The following LMBR1 variants were observed in gnomAD, a reference collection of about 807,000 sequenced individuals.
The protein encoded by LMBR1 is limb development membrane protein 1, also known as limb region 1 protein homolog.
In LMBR1, 52 loss-of-function variants were observed where a neutral mutation model predicts 73.9. The observed-to-expected ratio is 0.70, with a 90% CI of 0.56 to 0.89. LMBR1 has a LOEUF of 0.89. Ranked by LOEUF, LMBR1 falls within the 40% of genes least tolerant of loss-of-function variation. The pLI, the probability that LMBR1 is intolerant of heterozygous loss-of-function variation, is 0.00. For synonymous variants in LMBR1, 215 were observed against 209.4 expected (o/e 1.03, Z -0.23); for missense variants, 539 against 579.8 (o/e 0.93, Z 0.72).
chr7:156,714,195 G>A (rs187104135), intron 15 of LMBR1, among the ~76,000 whole-genome samples: 44 of 152,298 alleles, frequency 2.9e-4, no homozygotes, highest in African/African-American at 8.7e-4. Flanking sequence ...TTCAAGGAGC[G>A]TAGAGCTTTA....
rs150515409 is a variant in LMBR1 at position 156,729,857 on chromosome 7, C to T, written c.839-1137G>A. Among the ~76,000 whole-genome samples, 315 of 152,268 alleles carry T rather than the reference C, an allele frequency of 2.1e-3. 8 individuals carry two copies. The East Asian group carries it at 0.033, about 16-fold the overall frequency. On this transcript the variant is annotated intron_variant, in intron 10 of 16. Transcript: ENST00000353442. Reference sequence around the variant, plus strand: ...TACTTTTACCTATAACACCAATCCTCATGCTAAGAACAAGAAGAAAAGATA... The same window carrying T: ...TACTTTTACCTATAACACCAATCCTTATGCTAAGAACAAGAAGAAAAGATA...
At chr7:156,809,305 T>C (rs1001773103) in intron 4 of LMBR1, among the ~76,000 whole-genome samples, 2 of 152,198 alleles carry the variant, frequency 1.3e-5, no homozygotes, top group Non-Finnish European at 2.9e-5. Flanking sequence ...TTTTGAAAAA[T>C]ATTTTCACTG....
At chr7:156,888,165 C>G (rs1802239732) in intron 1 of LMBR1, among the ~76,000 whole-genome samples, 1 of 152,048 alleles carries the variant, frequency 6.6e-6, no homozygotes, top group South Asian at 2.1e-4. Flanking sequence ...AATCCCAGCA[C>G]TTTGGGAGGC....
intron 15 of LMBR1, among the ~76,000 whole-genome samples, chr7:156,712,359 C>A (rs1054533730): frequency 6.6e-6 from 1 of 151,798 alleles, no homozygotes; most frequent in Admixed American, 6.6e-5. Context: ...TAAAAAAAAA[C>A]AACAAATGTT....
At chr7:156,812,317 C>CAGAG (rs60561733) in intron 4 of LMBR1, among the ~76,000 whole-genome samples, 24 of 149,916 alleles carry the variant, frequency 1.6e-4, no homozygotes, top group East Asian at 7.8e-4. Context: ...TTTAAACACA[C>CAGAG]AGAGAGAGAG....
downstream of LMBR1, chr7:156,676,992 CCTT>C (rs764486724): frequency 5.4e-5 from 12 of 223,900 alleles, no homozygotes; most frequent in Admixed American, 1.5e-4. Flanking sequence ...GTAAAACACT[CCTT>C]AAGTTCCAAA....
At chr7:156,684,631 G>A (rs901319552) in intron 16 of LMBR1, among the ~76,000 whole-genome samples, 4 of 152,192 alleles carry the variant, frequency 2.6e-5, no homozygotes, top group Middle Eastern at 3.2e-3. Flanking sequence ...AACCTAACCC[G>A]AGACAGATAC....
chr7:156,840,803 CA>C (rs34096863), intron 1 of LMBR1, among the ~76,000 whole-genome samples: 93,276 of 144,210 alleles, frequency 0.65, 30,140 homozygotes, highest in Middle Eastern at 0.78. Context: ...ACTAAAAATA[CA>C]AAAAAAAAAA....
chr7:156,803,860 G>T (rs1392828647), intron 4 of LMBR1, among the ~76,000 whole-genome samples: 1 of 151,684 alleles, frequency 6.6e-6, no homozygotes, highest in African/African-American at 2.4e-5. Flanking sequence ...GGATGAAACT[G>T]GAACCCATCA....
rs1445486598 is a variant in LMBR1 at position 156,893,069 on chromosome 7, C to G, written c.-76G>C. On this transcript the variant is annotated 5_prime_UTR_variant, in exon 1 of 17. Transcript: ENST00000353442. The stretch of plus-strand genomic sequence containing the variant: ...CCATCGTCCGCCCGCCGCAGGGGCT[C>G]GGACAGCCGCGCCGGGGACCGGAGC... 5.3e-6 allele frequency: 7 copies of G among 1,324,616 alleles called. No homozygotes were observed. Among genetic ancestry groups the G allele is most frequent in the Non-Finnish European group, 6.7e-6 (7 of 1,038,264 alleles). The allele number at this position is 1,324,616 out of a possible 1,614,324, so 82.1% of individuals were successfully genotyped here.
intron 9 of LMBR1, among the ~76,000 whole-genome samples, chr7:156,738,696 G>C (rs1025750674): frequency 1.3e-5 from 2 of 152,174 alleles, no homozygotes; most frequent in Non-Finnish European, 2.9e-5. Flanking sequence ...GCTTCTGGAT[G>C]ACATTTCTAG....
chr7:156,811,826 G>A (rs1017800151), intron 4 of LMBR1, among the ~76,000 whole-genome samples: 16 of 152,136 alleles, frequency 1.1e-4, no homozygotes, highest in African/African-American at 3.9e-4. Flanking sequence ...CAGTTCCAGG[G>A]ACTAGAAGTC....
In LMBR1 at chr7:156,670,273, C is replaced by G. The variant is rs1402825675; in HGVS notation, n.867-986G>C. Among the ~76,000 whole-genome samples the G allele has an allele frequency of 6.6e-6, 1 of 152,196 alleles. No homozygotes were observed. The highest frequency in any genetic ancestry group is 1.5e-5 in the Non-Finnish European group (1 of 68,028). ...AGCACGGCTGGCTCTACTGTTTTGA[C>G]TTTGGCTCTTGATACACACACATTC... On this transcript the variant is annotated intron_variant and non_coding_transcript_variant, in intron 4 of 4. Coordinates refer to the LMBR1 transcript ENST00000430825. This position sits in a 1 kb window ranked among gnomAD's most constrained non-coding sequence, Gnocchi z 4.3.
At chr7:156,796,549 A>G (rs781648158) in intron 4 of LMBR1, 57 bp from the exon 5 acceptor site, 125 of 1,096,760 alleles carry the variant, frequency 1.1e-4, no homozygotes, top group Middle Eastern at 5.6e-4. Flanking sequence ...AAATTGTGGT[A>G]TTAATCAAGA....
In LMBR1 at chr7:156,763,789, G is replaced by C; in HGVS notation, c.430C>G (p.Arg144Gly). Residue 144 changes from arginine (R) to glycine (G), a missense_variant, in exon 6 of 17, where the codon CGA (arginine) becomes GGA (glycine). Arg to Gly is a moderately radical substitution (Grantham distance 125). Around this residue, in one of 3 missense-constraint regions of LMBR1, gnomAD observed 454 missense variants for 473.4 expected, o/e 0.96. Transcript: ENST00000353442. ...EGFAGLKKGI[R>G]ARILETLVML... ...ACCAAAGTCTCTAAAATGCGGGCTC[G>C]GATTCCCTGAAAAATAGAGTAGAAA... The C allele has an allele frequency of 6.3e-7, 1 of 1,585,442 alleles. No homozygotes were observed. Among genetic ancestry groups the C allele is most frequent in the Non-Finnish European group, 8.5e-7 (1 of 1,171,608 alleles).
At chr7:156,884,649 G>A (rs1801603019) in intron 1 of LMBR1, among the ~76,000 whole-genome samples, 1 of 151,456 alleles carries the variant, frequency 6.6e-6, no homozygotes, top group Non-Finnish European at 1.5e-5. Context: ...CATTTGAAAA[G>A]TTACTGAAAC....
intron 4 of LMBR1, among the ~76,000 whole-genome samples, chr7:156,671,763 T>C (rs1802597996): frequency 6.6e-6 from 1 of 150,978 alleles, no homozygotes; most frequent in African/African-American, 2.4e-5. Flanking sequence ...TCACCATCTT[T>C]ATGTCCACGT....
rs563656576 is a variant in LMBR1, at chr7:156,760,717, C to T, written c.684+1417G>A. On this transcript the variant is annotated intron_variant, in intron 8 of 16. Transcript: ENST00000353442. ...ACATACTTTTTGTAAAATGTATTTA[C>T]GCATTTTTTAAAAATAAAAAATTAA... Among the ~76,000 whole-genome samples the T allele has an allele frequency of 1.1e-4, 16 of 152,226 alleles. No individual in the cohort carries two copies. In the South Asian group the frequency reaches 1.9e-3, roughly 18 times the overall value.
At chr7:156,684,206 G>A in intron 16 of LMBR1, 43 bp from the exon 17 acceptor site, 1 of 1,456,386 alleles carries the variant, frequency 6.9e-7, no homozygotes, top group East Asian at 2.3e-5. Flanking sequence ...ATATATTGCT[G>A]AGTGGCTGGG....
Sources: gnomAD v4.1 joint callset for allele counts (sites outside exome capture counted in the v4.1 genomes callset) on GRCh38, gnomAD v4.1.1 for gene constraint, gnomAD v4.1.1 regional missense constraint, Gnocchi (gnomAD v3.1) non-coding constraint, MANE v1.5 for transcripts, NCBI Gene and HGNC (gene_info 2026-07-23, HGNC 2026-07-21) for gene names.